The following DNAAF4 variants were observed in gnomAD, a reference collection of about 807,000 sequenced individuals.
The protein encoded by DNAAF4 is dynein assembly factor 4, axonemal.
DNAAF4 carries 43 observed loss-of-function variants against 51.8 expected under a neutral mutation model. The observed-to-expected ratio is 0.83, with a 90% confidence interval of 0.65 to 1.07. The LOEUF (loss-of-function observed/expected upper bound fraction) is 1.07, where lower values mean the gene tolerates loss of function less well. Ranked by LOEUF, DNAAF4 falls within the 50% of genes least tolerant of loss-of-function variation. DNAAF4 has a pLI of 0.00. For missense variants in DNAAF4, 581 were observed against 493.0 expected, an observed-to-expected ratio of 1.18 and a Z score of -1.69; for synonymous variants, 194 against 165.6, an observed-to-expected ratio of 1.17 and a Z score of -1.32.
chr15:55,426,164 T>C (rs1595885390), downstream of DNAAF4, among the ~76,000 whole-genome samples: 1 of 150,944 alleles, frequency 6.6e-6, no homozygotes, highest in Admixed American at 6.6e-5. Flanking sequence ...CAAGATGGGA[T>C]GAGCCAGTTT....
intron 7 of DNAAF4, among the ~76,000 whole-genome samples, chr15:55,423,582 T>A (rs1028659948): frequency 6.6e-6 from 1 of 152,158 alleles, no homozygotes; most frequent in Non-Finnish European, 1.5e-5. Context: ...TTTTGAGAAC[T>A]GCTGACCTAC....
chr15:55,472,950 G>A (rs1283982964), intron 4 of DNAAF4, among the ~76,000 whole-genome samples: 2 of 151,868 alleles, frequency 1.3e-5, no homozygotes, highest in Non-Finnish European at 2.9e-5. Context: ...CAAATTACTT[G>A]AAGTCAGGAG....
intron 1 of DNAAF4, among the ~76,000 whole-genome samples, chr15:55,499,300 TCTTATAGGGCTCACC>T (rs2058679974): frequency 6.6e-6 from 1 of 152,110 alleles, no homozygotes; most frequent in Non-Finnish European, 1.5e-5. Flanking sequence ...GAGTGTTGGG[TCTTATAGGGCTCACC>T]TGCCTCAACC....
At chr15:55,501,477 G>A (rs181092329) in intron 1 of DNAAF4, among the ~76,000 whole-genome samples, 5 of 149,890 alleles carry the variant, frequency 3.3e-5, no homozygotes, top group Admixed American at 6.7e-5. Flanking sequence ...CTGGGTTCAC[G>A]CCATTCTCCT....
chr15:55,463,527 C>G lies in DNAAF4; in HGVS notation c.637+3403G>C, dbSNP rs950371418. Among the ~76,000 whole-genome samples the G allele has an allele frequency of 3.3e-5, 5 of 151,938 alleles. No homozygotes were observed. The South Asian group carries it at 1.0e-3, about 32-fold the overall frequency. ...GTTGGCCAATGATATGATCGTATAC[C>G]TAGAAAATCCTAAAGATTCATCCAA... is the stretch of plus-strand genomic sequence containing the variant. On this transcript the variant is annotated intron_variant, in intron 5 of 9. Transcript: ENST00000321149.
chr15:55,507,731 C>T (rs904329683), intron 1 of DNAAF4, among the ~76,000 whole-genome samples: 2 of 152,108 alleles, frequency 1.3e-5, no homozygotes, highest in South Asian at 2.1e-4. Context: ...GTGTCTCACG[C>T]CTGTAATCTC....
intron 6 of DNAAF4, among the ~76,000 whole-genome samples, chr15:55,448,701 C>T (rs1315636542): frequency 2.0e-5 from 3 of 151,562 alleles, no homozygotes; most frequent in Non-Finnish European, 4.4e-5. Context: ...AACCCCATCT[C>T]TATTAAAAAC....
rs16976354 is a variant in DNAAF4, at chr15:55,498,216, G to T, written c.114C>A (p.Asn38Lys). Reference sequence around the variant, plus strand: ...AGACTTGCATTCTTACCTTCAGATAGTTTTCCGTGCAGAACACGTCCGTGT... The same window carrying T: ...AGACTTGCATTCTTACCTTCAGATATTTTTCCGTGCAGAACACGTCCGTGT... ...VRDTDVFCTE[N>K]YLKVNFPPFL... Residue 38 changes from asparagine to lysine, a missense_variant, in exon 2 of 10, where the codon AAC (asparagine) becomes AAA (lysine). Transcript: ENST00000321149. 16,366 of 1,613,942 alleles carry T rather than the reference G, an allele frequency of 0.01. 1,552 individuals carry two copies. In the African/African-American group the frequency reaches 0.2, roughly 20 times the overall value.
At chr15:55,488,925 A>T (rs1328518044) in intron 4 of DNAAF4, among the ~76,000 whole-genome samples, 1 of 152,060 alleles carries the variant, frequency 6.6e-6, no homozygotes, top group Non-Finnish European at 1.5e-5. Flanking sequence ...TGTCTCTACT[A>T]AAAATACAAA....
downstream of DNAAF4, among the ~76,000 whole-genome samples, chr15:55,428,975 A>G (rs1308026782): frequency 6.6e-6 from 1 of 151,654 alleles, no homozygotes; most frequent in Non-Finnish European, 1.5e-5. Context: ...TAATCCCAGC[A>G]CTTTGGGAGG....
Position 55,484,488 on chromosome 15 carries a change from A to AAT in DNAAF4, c.405+6634_405+6635insAT, listed in dbSNP as rs564451945. Among the ~76,000 whole-genome samples the AAT allele has an allele frequency of 5.6e-5, 7 of 125,726 alleles. No homozygotes were observed. The East Asian group carries it at 2.0e-3, about 36-fold the overall frequency. 82.5% of individuals were successfully genotyped at this position (125,726 alleles called of 152,430 possible). On this transcript the variant is annotated intron_variant, in intron 4 of 9. Coordinates refer to ENST00000321149, the MANE Select transcript of DNAAF4 (RefSeq NM_130810.4). ...CAACAGAGTGAGACTCCGTCTCAGGAAAAAAAAAAAAAAAAACAGAATTAC... is the reference window on the plus strand; with the variant it reads ...CAACAGAGTGAGACTCCGTCTCAGGAATAAAAAAAAAAAAAAAACAGAATTAC...
intron 3 of DNAAF4, among the ~76,000 whole-genome samples, chr15:55,494,506 G>T (rs1162815000): frequency 1.3e-5 from 2 of 151,998 alleles, no homozygotes; most frequent in Admixed American, 1.3e-4. Flanking sequence ...CCACCACCCG[G>T]GTTCAAGCGA....
chr15:55,446,378 T>A (rs1321116554), intron 6 of DNAAF4, among the ~76,000 whole-genome samples: 1 of 62,954 alleles, frequency 1.6e-5, no homozygotes, highest in Non-Finnish European at 2.8e-5. Flanking sequence ...ACATCCCAGA[T>A]GATGGGCGGC....
In DNAAF4 at chr15:55,450,350, T is replaced by C; in HGVS notation, c.655A>G (p.Ile219Val). Reference protein sequence around the residue: ...LAPKGRNSENIFTEKLKEDSI... With the variant: ...LAPKGRNSENVFTEKLKEDSI... ...TCTTCCTTTAACTTCTCAGTAAATA[T>C]ATTTTCTGAATTTCTCCCTTCAAAA... The change falls in exon 6 of 10, where the codon ATA (isoleucine) becomes GTA (valine). Residue 219 changes from isoleucine to valine, a missense_variant. Ile to Val is a conservative substitution (Grantham distance 29). Coordinates refer to ENST00000321149, the MANE Select transcript of DNAAF4 (RefSeq NM_130810.4). 2 of 1,610,128 alleles carry C rather than the reference T, an allele frequency of 1.2e-6. No individual in the cohort carries two copies. Among genetic ancestry groups the C allele is most frequent in the Non-Finnish European group, 1.7e-6 (2 of 1,179,098 alleles).
At chr15:55,505,578 A>G (rs955152435) in intron 1 of DNAAF4, among the ~76,000 whole-genome samples, 1 of 152,196 alleles carries the variant, frequency 6.6e-6, no homozygotes, top group East Asian at 1.9e-4. Flanking sequence ...ATGGAATACT[A>G]TGCAGCCATA....
At chr15:55,473,643 T>C (rs1236266310) in intron 4 of DNAAF4, among the ~76,000 whole-genome samples, 5 of 151,812 alleles carry the variant, frequency 3.3e-5, no homozygotes, top group Non-Finnish European at 7.4e-5. Context: ...AAATAAGAAA[T>C]AAAAATTTAT....
At chr15:55,475,805 C>A (rs963541438) in intron 4 of DNAAF4, among the ~76,000 whole-genome samples, 1 of 152,114 alleles carries the variant, frequency 6.6e-6, no homozygotes, top group African/African-American at 2.4e-5. Flanking sequence ...AAACCTGTAG[C>A]TTTGGTGGAT....
chr15:55,430,871 A>C (rs2057481270), intron 9 of DNAAF4, 92 bp from the exon 10 acceptor site: 1 of 1,022,944 alleles, frequency 9.8e-7, no homozygotes, highest in Middle Eastern at 2.7e-4. Context: ...AAAAATAATC[A>C]CTAGTAGCAT....
intron 4 of DNAAF4, among the ~76,000 whole-genome samples, chr15:55,487,439 A>G (rs887910195): frequency 2.0e-5 from 3 of 152,328 alleles, no homozygotes; most frequent in African/African-American, 4.8e-5. Context: ...CAGGACATAG[A>G]CGGGGACAAA....
Sources: gnomAD v4.1 joint callset for allele counts (sites outside exome capture counted in the v4.1 genomes callset) on GRCh38, gnomAD v4.1.1 for gene constraint, MANE v1.5 for transcripts, NCBI Gene and HGNC (gene_info 2026-07-23, HGNC 2026-07-21) for gene names.